FN1: variants seen among roughly 807,000 people sequenced by gnomAD.
FN1 encodes the protein fibronectin 1, also known as fibronectin.
A neutral mutation model predicts 297.3 loss-of-function variants in FN1; 106 were observed. That is an observed-to-expected ratio of 0.36 (90% CI 0.30 to 0.42). The LOEUF is 0.42. FN1 is among the 10% of genes least tolerant of loss of function. FN1 has a pLI of 1.00. For missense variants in FN1, 2,690 were observed against 3,124.9 expected (o/e 0.86, Z 3.32); for synonymous variants, 1,149 against 1,152.6 (o/e 1.00, Z 0.06).
chr2:215,361,792 A>G (rs2053499241), intron 45 of FN1, 166 bp from the exon 46 acceptor site: 1 of 492,896 alleles, frequency 2.0e-6, no homozygotes, highest in Non-Finnish European at 2.6e-6. Flanking sequence ...GAGATGTTCA[A>G]GAGTTACATA....
At chr2:215,386,445 T>G (rs569417444) in intron 28 of FN1, among the ~76,000 whole-genome samples, 75 of 152,034 alleles carry the variant, frequency 4.9e-4, no homozygotes, top group Admixed American at 7.9e-4. Context: ...GGTGAGAAAT[T>G]TCTTGAGAGG....
intron 4 of FN1, 60 bp downstream of exon 4, chr2:215,431,773 G>C: frequency 6.3e-7 from 1 of 1,585,002 alleles, no homozygotes; most frequent in Non-Finnish European, 8.7e-7. Flanking sequence ...TGTGATTCTG[G>C]TCCAACCCCA....
At position 215,382,055 on chromosome 2, in the gene FN1, A is replaced by G. The variant is rs997292552; in HGVS notation, c.5164+157T>C. The G allele has an allele frequency of 7.8e-6, 5 of 643,876 alleles. No homozygotes were observed. The African/African-American group carries it at 9.0e-5, about 12-fold the overall frequency. The allele number at this position is 643,876 out of a possible 1,614,324, so 39.9% of individuals were successfully genotyped here. A position where few individuals can be genotyped will look rare whatever the true frequency, so the allele number is the denominator to read the frequency against. ...GTAAATTCCTCGCTTGGCACTGAGA[A>G]GGAAAAAAGATGTTCGTAAAGGGCT... On this transcript the variant is annotated intron_variant, in intron 32 of 45. Coordinates refer to ENST00000354785, the MANE Select transcript of FN1 (RefSeq NM_212482.4).
chr2:215,368,061 C>G, intron 41 of FN1, 34 bp from the exon 42 acceptor site: 1 of 1,609,410 alleles, frequency 6.2e-7, no homozygotes, highest in Non-Finnish European at 8.5e-7. Context: ...CAAAAAGAGA[C>G]ATCTTATTAA....
intron 35 of FN1, 33 bp from the exon 36 acceptor site, chr2:215,376,707 G>C: frequency 6.2e-7 from 1 of 1,602,038 alleles, no homozygotes; most frequent in Admixed American, 1.7e-5. Context: ...ATTAGTGCCT[G>C]CTTGGCTCAT....
At chr2:215,414,619 C>T in intron 13 of FN1, 2 of 1,182,630 alleles carry the variant, frequency 1.7e-6, no homozygotes, top group South Asian at 2.3e-5. Flanking sequence ...CCAGCCCCCC[C>T]ACCGCAAAAA....
chr2:215,388,114 C>CA, intron 27 of FN1, 98 bp downstream of exon 27: 3 of 912,934 alleles, frequency 3.3e-6, no homozygotes, highest in Non-Finnish European at 3.6e-6. Context: ...ACCATGACAA[C>CA]AAAAAATGGA....
At chr2:215,403,064 T>A (rs2061343171) in intron 20 of FN1, among the ~76,000 whole-genome samples, 2 of 152,128 alleles carry the variant, frequency 1.3e-5, no homozygotes, top group South Asian at 4.1e-4. Context: ...TTCACTGAAA[T>A]CTCCATTCTA....
intron 38 of FN1, 149 bp downstream of exon 38, chr2:215,375,065 A>G: frequency 2.5e-6 from 2 of 791,802 alleles, no homozygotes; most frequent in Non-Finnish European, 4.3e-6. Context: ...AGGCTCTACC[A>G]CTCCTACACA....
At chr2:215,401,246 GA>G (rs1559475621) in intron 20 of FN1, among the ~76,000 whole-genome samples, 2,021 of 63,434 alleles carry the variant, frequency 0.032, 80 homozygotes, top group Middle Eastern at 0.068. Flanking sequence ...AAGAAAGAAA[GA>G]AAGGAAGAAA....
intron 8 of FN1, 63 bp from the exon 9 acceptor site, chr2:215,423,589 G>A: frequency 6.7e-7 from 1 of 1,487,808 alleles, no homozygotes; most frequent in Non-Finnish European, 9.3e-7. Context: ...AATGTACACA[G>A]AATTACTGGT....
chr2:215,371,839 G>A, intron 40 of FN1, 70 bp downstream of exon 40: 2 of 1,354,072 alleles, frequency 1.5e-6, no homozygotes, highest in Non-Finnish European at 2.1e-6. Context: ...TTCGAGGGCT[G>A]GTCACTTCAG....
intron 33 of FN1, chr2:215,380,496 T>TTA: frequency 2.6e-6 from 1 of 378,226 alleles, no homozygotes; most frequent in South Asian, 3.0e-5. Flanking sequence ...CTTCTTTTCT[T>TTA]TATACATAGT....
intron 20 of FN1, among the ~76,000 whole-genome samples, chr2:215,401,491 T>C (rs2061164257): frequency 6.6e-6 from 1 of 152,194 alleles, no homozygotes; most frequent in South Asian, 2.1e-4. Context: ...TTCAAGGGTA[T>C]CAAGTGTGTT....
At chr2:215,399,420 C>A (rs891893633) in intron 20 of FN1, 69 bp from the exon 21 acceptor site, 9 of 1,060,796 alleles carry the variant, frequency 8.5e-6, no homozygotes, top group East Asian at 2.4e-5. Context: ...ATATAGATAA[C>A]AAGTATTTTT....
intron 13 of FN1, 69 bp from the exon 14 acceptor site, chr2:215,410,183 T>C (rs2062398737): frequency 1.4e-6 from 2 of 1,464,510 alleles, no homozygotes; most frequent in South Asian, 1.2e-5. Context: ...TTGAAGATGA[T>C]GTTCAGTAAT....
Position 215,424,292 on chromosome 2 carries a change from C to T in FN1, c.1070G>A (p.Gly357Glu), listed in dbSNP as rs140926439. 6,403 of 1,613,998 alleles carry T rather than the reference C, an allele frequency of 4.0e-3. 17 individuals carry two copies. Among genetic ancestry groups the T allele is most frequent in the Non-Finnish European group, 5.0e-3 (5,945 of 1,179,912 alleles). The change falls in exon 8 of 46, where the codon GGA becomes GAA. Residue 357 changes from glycine (G) to glutamate (E), a missense_variant. Transcript: ENST00000354785. ...GGTGAATGGTAAGACACATGGCTCT[C>T]CATTTGAGTTGCCACCGTAAGTCTG... ...VTQTYGGNSN[G>E]EPCVLPFTYN...
intron 38 of FN1, among the ~76,000 whole-genome samples, chr2:215,374,120 T>C (rs2056817873): frequency 6.6e-6 from 1 of 152,156 alleles, no homozygotes; most frequent in Admixed American, 6.5e-5. Context: ...TTAGGCCTAA[T>C]AACCAAGCAG....
chr2:215,424,358 A>G, intron 7 of FN1, 33 bp from the exon 8 acceptor site: 6 of 1,587,470 alleles, frequency 3.8e-6, no homozygotes, highest in Non-Finnish European at 5.2e-6. Context: ...GTCAGTAAAC[A>G]GAGATGCTTT....
Sources: allele counts gnomAD v4.1 joint callset (sites outside exome capture counted in the v4.1 genomes callset), GRCh38; gene constraint gnomAD v4.1.1; transcripts MANE v1.5; gene names NCBI Gene and HGNC (gene_info 2026-07-23, HGNC 2026-07-21).